NRG1: variants seen among roughly 807,000 people sequenced by gnomAD.
The protein encoded by NRG1 is neuregulin 1, also known as pro-neuregulin-1, membrane-bound isoform.
Under a neutral mutation model 63.8 loss-of-function variants are expected in NRG1, and 18 were observed. The ratio of observed to expected loss-of-function variants is 0.28; its 90% CI spans 0.19 to 0.42. NRG1 has a LOEUF of 0.42. Ranked by LOEUF, NRG1 falls within the 10% of genes least tolerant of loss-of-function variation. The probability of loss-of-function intolerance (pLI) is 1.00; values close to 1 mark genes in which losing one functional copy is unlikely to be tolerated. For missense variants in NRG1, 762 were observed against 814.7 expected, an observed-to-expected ratio of 0.94 and a Z score of 0.79; for synonymous variants, 302 against 301.3, an observed-to-expected ratio of 1.00 and a Z score of -0.02.
intron 1 of NRG1, among the ~76,000 whole-genome samples, chr8:31,877,234 C>T (rs1463589553): frequency 6.6e-6 from 1 of 152,180 alleles, no homozygotes; most frequent in South Asian, 2.1e-4. Flanking sequence ...TTTTAGAAAG[C>T]CATTTCGAAC....
intron 1 of NRG1, among the ~76,000 whole-genome samples, chr8:32,552,210 C>CTTTTTTT (rs35243877): frequency 1.6e-5 from 2 of 124,766 alleles, no homozygotes; most frequent in Admixed American, 8.1e-5. Flanking sequence ...CGCTTGGCCG[C>CTTTTTTT]TTTTTTTTTT....
intron 1 of NRG1, among the ~76,000 whole-genome samples, chr8:31,691,862 A>G (rs907890987): frequency 1.3e-5 from 2 of 151,970 alleles, no homozygotes; most frequent in African/African-American, 4.8e-5. Flanking sequence ...TGTTTCAGAG[A>G]CAGGGTCTTG....
In NRG1 at chr8:31,760,837, C is replaced by A. The variant is rs540801791; in HGVS notation, c.37+121406C>A. On this transcript the variant is annotated intron_variant, in intron 1 of 10. Coordinates refer to the NRG1 transcript ENST00000519301. ...GAGAGGATGTGGAGAAATAGGAACA[C>A]TTTTACACTGTTGGTGGGACTGTAA... Among the ~76,000 whole-genome samples the A allele has an allele frequency of 1.2e-4, 18 of 152,226 alleles. 1 individual carries two copies. In the East Asian group the frequency reaches 1.5e-3, roughly 13 times the overall value.
intron 5 of NRG1, among the ~76,000 whole-genome samples, chr8:32,695,673 C>T (rs985406585): frequency 6.6e-6 from 1 of 152,208 alleles, no homozygotes; most frequent in African/African-American, 2.4e-5. Context: ...GGCTGGGACA[C>T]TGTGCCGGGT....
chr8:32,667,169 C>T (rs1804410646), intron 5 of NRG1, among the ~76,000 whole-genome samples: 1 of 152,058 alleles, frequency 6.6e-6, no homozygotes, highest in Non-Finnish European at 1.5e-5. Flanking sequence ...TGTTACTGTA[C>T]TAAGTAGTAT....
At chr8:31,813,516 C>CTTTTCTTTTCTTTTCTTTTTTTTTTT in intron 1 of NRG1, among the ~76,000 whole-genome samples, 108 of 101,202 alleles carry the variant, frequency 1.1e-3, no homozygotes, top group East Asian at 4.0e-3. Flanking sequence ...CTTTTCTTTT[C>CTTTTCTTTTCTTTTCTTTTTTTTTTT]TTTTTTTTTT....
intron 1 of NRG1, among the ~76,000 whole-genome samples, chr8:32,096,123 G>T (rs956650265): frequency 1.3e-5 from 2 of 152,136 alleles, no homozygotes; most frequent in Non-Finnish European, 2.9e-5. Flanking sequence ...GGCTAGGAGG[G>T]GTGGTAGTGA....
At chr8:31,833,072 G>A (rs1503487) in intron 1 of NRG1, among the ~76,000 whole-genome samples, 111,900 of 151,882 alleles carry the variant, frequency 0.74, 41,837 homozygotes, top group East Asian at 0.99. Context: ...TCTTACCTTT[G>A]GAAGCAGATT....
At chr8:32,625,145 T>C (rs1254866736) in intron 5 of NRG1, among the ~76,000 whole-genome samples, 1 of 152,248 alleles carries the variant, frequency 6.6e-6, no homozygotes, top group African/African-American at 2.4e-5. Flanking sequence ...CACTCTGTTA[T>C]AATGCACCTC....
chr8:32,050,272 A>G (rs541622546), intron 1 of NRG1, among the ~76,000 whole-genome samples: 3 of 152,230 alleles, frequency 2.0e-5, no homozygotes, highest in East Asian at 3.9e-4. Context: ...CTGCCAGTAG[A>G]TAGGTTAGGA....
intron 1 of NRG1, among the ~76,000 whole-genome samples, chr8:32,135,153 T>G (rs1388362529): frequency 6.6e-6 from 1 of 152,012 alleles, no homozygotes; most frequent in African/African-American, 2.4e-5. Context: ...TGGTATAAGA[T>G]GAGGGTGAAG....
intron 1 of NRG1, among the ~76,000 whole-genome samples, chr8:32,348,873 G>C (rs908139693): frequency 6.6e-6 from 1 of 152,182 alleles, no homozygotes; most frequent in Non-Finnish European, 1.5e-5. Context: ...TCATATGGAA[G>C]TATTGAGAAG....
intron 1 of NRG1, among the ~76,000 whole-genome samples, chr8:31,982,656 A>G (rs1233199652): frequency 1.3e-5 from 2 of 152,082 alleles, no homozygotes; most frequent in African/African-American, 4.8e-5. Flanking sequence ...ATGTGATGGC[A>G]AAAGGAACAA....
At chr8:32,374,643 C>T (rs1809382660) in intron 1 of NRG1, among the ~76,000 whole-genome samples, 1 of 152,202 alleles carries the variant, frequency 6.6e-6, no homozygotes, top group South Asian at 2.1e-4. Context: ...ACCTCCAGGG[C>T]CTTCTTTACA....
intron 1 of NRG1, among the ~76,000 whole-genome samples, chr8:31,731,495 G>A (rs927825044): frequency 2.0e-5 from 3 of 151,714 alleles, no homozygotes; most frequent in Non-Finnish European, 4.4e-5. Context: ...TTTACACATG[G>A]AGAGATATAA....
At chr8:31,754,502 C>T (rs1816778620) in intron 1 of NRG1, among the ~76,000 whole-genome samples, 1 of 152,134 alleles carries the variant, frequency 6.6e-6, no homozygotes, top group Non-Finnish European at 1.5e-5. Flanking sequence ...ATGCCAGCAT[C>T]ATGCTTCCTC....
At chr8:32,245,448 C>G (rs1275699505) in intron 1 of NRG1, among the ~76,000 whole-genome samples, 1 of 152,064 alleles carries the variant, frequency 6.6e-6, no homozygotes, top group Non-Finnish European at 1.5e-5. Context: ...ACTGCTTTTT[C>G]CACAAAGGAG....
intron 1 of NRG1, among the ~76,000 whole-genome samples, chr8:32,161,738 T>A (rs1374321297): frequency 6.6e-6 from 1 of 152,230 alleles, no homozygotes; most frequent in Admixed American, 6.5e-5. Flanking sequence ...GAATCCATTC[T>A]CTTCCTATAC....
At chr8:32,300,455 G>C (rs1414411495) in intron 1 of NRG1, among the ~76,000 whole-genome samples, 2 of 152,134 alleles carry the variant, frequency 1.3e-5, no homozygotes, top group African/African-American at 2.4e-5. Flanking sequence ...CAGAATCTTA[G>C]AGTTGTTTAT....
Sources: allele counts gnomAD v4.1 joint callset (sites outside exome capture counted in the v4.1 genomes callset), GRCh38; gene constraint gnomAD v4.1.1; transcripts MANE v1.5; gene names NCBI Gene and HGNC (gene_info 2026-07-23, HGNC 2026-07-21).